Variants in NRXN3 observed in about 807,000 individuals in gnomAD.
NRXN3 encodes neurexin 3.
Under a neutral mutation model 137.6 loss-of-function variants are expected in NRXN3, and 32 were observed. That is an observed-to-expected ratio of 0.23 (90% CI 0.18 to 0.31). The LOEUF is 0.31. Ranked by LOEUF, NRXN3 falls within the 10% of genes least tolerant of loss-of-function variation. The pLI is 1.00. For synonymous variants in NRXN3, 798 were observed against 784.5 expected (o/e 1.02, Z -0.29); for missense variants, 1,574 against 2,062.5 (o/e 0.76, Z 4.59).
At chr14:78,983,323 C>G (rs528023735) in intron 14 of NRXN3, among the ~76,000 whole-genome samples, 1 of 152,128 alleles carries the variant, frequency 6.6e-6, no homozygotes, top group Non-Finnish European at 1.5e-5. Flanking sequence ...GAAGGCAGTA[C>G]GCCAAAGAGA....
chr14:79,834,754 G>A (rs1253978897), intron 20 of NRXN3, among the ~76,000 whole-genome samples: 1 of 152,074 alleles, frequency 6.6e-6, no homozygotes, highest in South Asian at 2.1e-4. Flanking sequence ...AGCTGCCACA[G>A]ATTCAGACAT....
intron 15 of NRXN3, among the ~76,000 whole-genome samples, chr14:79,032,108 C>T (rs2099609210): frequency 6.6e-6 from 1 of 152,160 alleles, no homozygotes; most frequent in African/African-American, 2.4e-5. Context: ...CCTGTCTGAA[C>T]CTCATTAACC....
At chr14:78,618,122 G>A (rs1400795014) in intron 4 of NRXN3, among the ~76,000 whole-genome samples, 1 of 151,978 alleles carries the variant, frequency 6.6e-6, no homozygotes, top group African/African-American at 2.4e-5. Flanking sequence ...GTGTTAACAT[G>A]TGTCTGGCTT....
At chr14:78,767,985 G>T (rs973812429) in intron 8 of NRXN3, among the ~76,000 whole-genome samples, 7 of 149,848 alleles carry the variant, frequency 4.7e-5, no homozygotes, top group Non-Finnish European at 8.8e-5. Flanking sequence ...TATAAAATTT[G>T]TCCTTCACTC....
At chr14:79,609,592 A>G (rs1004296218) in intron 16 of NRXN3, among the ~76,000 whole-genome samples, 4 of 152,190 alleles carry the variant, frequency 2.6e-5, no homozygotes, top group Non-Finnish European at 5.9e-5. Flanking sequence ...AGGAGGTAAT[A>G]AAGACTGATT....
chr14:78,256,817 G>T (rs58868504), intron 2 of NRXN3, among the ~76,000 whole-genome samples: 1,821 of 152,316 alleles, frequency 0.012, 37 homozygotes, highest in African/African-American at 0.042. Context: ...TCTTTCTCAT[G>T]GGGAATTTGT....
intron 4 of NRXN3, among the ~76,000 whole-genome samples, chr14:78,348,036 CTG>C (rs2082976104): frequency 6.6e-6 from 1 of 152,090 alleles, no homozygotes; most frequent in Admixed American, 6.6e-5. Context: ...GATGAGGAAA[CTG>C]ATGTTCTGAG....
chr14:79,575,007 G>C (rs2097651153), intron 16 of NRXN3, among the ~76,000 whole-genome samples: 1 of 151,870 alleles, frequency 6.6e-6, no homozygotes, highest in Non-Finnish European at 1.5e-5. Context: ...TTTTTATGTT[G>C]TTCATGTGTG....
chr14:79,292,737 G>A lies in NRXN3; in HGVS notation c.3263-174484G>A, dbSNP rs571598292. Reference sequence around the variant, plus strand: ...GTGGGTTTCCAACTTGAGTGAATATGTGTGTGTTTGCTTTCACATGTAGGT... The same window carrying A: ...GTGGGTTTCCAACTTGAGTGAATATATGTGTGTTTGCTTTCACATGTAGGT... On this transcript the variant is annotated intron_variant, in intron 15 of 20. Transcript: ENST00000335750. Among the ~76,000 whole-genome samples, 15 of 152,322 alleles carry A rather than the reference G, an allele frequency of 9.8e-5. No homozygotes were observed. The East Asian group carries it at 2.5e-3, about 26-fold the overall frequency.
intron 4 of NRXN3, among the ~76,000 whole-genome samples, chr14:78,563,595 G>A (rs1268518824): frequency 6.6e-6 from 1 of 152,186 alleles, no homozygotes; most frequent in Non-Finnish European, 1.5e-5. Flanking sequence ...ATGTTTCTGC[G>A]ACAGTGGCAT....
At chr14:79,042,296 G>A (rs1041496429) in intron 15 of NRXN3, among the ~76,000 whole-genome samples, 5 of 152,180 alleles carry the variant, frequency 3.3e-5, no homozygotes, top group Middle Eastern at 3.2e-3. Flanking sequence ...CCATTAAGCA[G>A]TAAACACGTT....
chr14:78,582,116 T>G (rs974466400), intron 4 of NRXN3, among the ~76,000 whole-genome samples: 3 of 152,162 alleles, frequency 2.0e-5, no homozygotes, highest in African/African-American at 4.8e-5. Context: ...TCAGAGTGAT[T>G]GTGGGTGAGC....
chr14:78,488,364 T>C (rs1429425280), intron 4 of NRXN3, among the ~76,000 whole-genome samples: 1 of 152,162 alleles, frequency 6.6e-6, no homozygotes, highest in Non-Finnish European at 1.5e-5. Context: ...TATTGTTAAA[T>C]GATAAAAACA....
intron 4 of NRXN3, among the ~76,000 whole-genome samples, chr14:78,299,640 A>G (rs549499389): frequency 6.6e-6 from 1 of 152,202 alleles, no homozygotes; most frequent in South Asian, 2.1e-4. Flanking sequence ...GACTTCCTTG[A>G]TCTTGATTTA....
At chr14:78,606,110 G>T (rs1349767647) in intron 4 of NRXN3, among the ~76,000 whole-genome samples, 2 of 152,110 alleles carry the variant, frequency 1.3e-5, no homozygotes, top group East Asian at 1.9e-4. Context: ...AAGACTAGAA[G>T]AAAAGCTGGA....
intron 1 of NRXN3, among the ~76,000 whole-genome samples, chr14:78,229,840 G>A (rs766793083): frequency 3.9e-5 from 6 of 152,072 alleles, no homozygotes; most frequent in African/African-American, 7.2e-5. Flanking sequence ...CAGTGTGAGG[G>A]TTGGTAGCAC....
chr14:79,733,297 A>G (rs1034450155), intron 19 of NRXN3, among the ~76,000 whole-genome samples: 8 of 152,204 alleles, frequency 5.3e-5, no homozygotes, highest in Non-Finnish European at 8.8e-5. Context: ...ACAGCCCGCA[A>G]TACAAAAATC....
chr14:79,737,695 T>TTTAA (rs2098946786), intron 19 of NRXN3, among the ~76,000 whole-genome samples: 1 of 151,876 alleles, frequency 6.6e-6, no homozygotes, highest in African/African-American at 2.4e-5. Context: ...TAAATCCATA[T>TTTAA]GTCACATCAT....
At chr14:78,979,604 G>A (rs1317544754) in intron 14 of NRXN3, among the ~76,000 whole-genome samples, 3 of 152,082 alleles carry the variant, frequency 2.0e-5, no homozygotes, top group Non-Finnish European at 4.4e-5. Context: ...AACTAAAGTT[G>A]GAAGATCTCT....
Sources: gnomAD v4.1 joint callset for allele counts (sites outside exome capture counted in the v4.1 genomes callset) on GRCh38, gnomAD v4.1.1 for gene constraint, MANE v1.5 for transcripts, NCBI Gene and HGNC (gene_info 2026-07-23, HGNC 2026-07-21) for gene names.